TMEM94: variants seen among roughly 807,000 people sequenced by gnomAD.
TMEM94 encodes transmembrane protein 94.
A neutral mutation model predicts 158.6 loss-of-function variants in TMEM94; 81 were observed. The observed-to-expected ratio is 0.51, with a 90% CI of 0.43 to 0.61. The LOEUF is 0.61. Among genes scored for constraint, TMEM94 ranks in the 20% least tolerant of loss-of-function variants. TMEM94 has a pLI of 0.00. For synonymous variants in TMEM94, 751 were observed against 730.7 expected (o/e 1.03, Z -0.45); for missense variants, 1,435 against 1,762.0 (o/e 0.81, Z 3.32).
Position 75,489,565 on chromosome 17 carries a change from G to C in TMEM94, c.868-11G>C. 5.6e-6 allele frequency: 9 copies of C among 1,613,292 alleles called. No individual in the cohort carries two copies. Among genetic ancestry groups the C allele is most frequent in the Non-Finnish European group, 7.6e-6 (9 of 1,179,320 alleles). On this transcript the variant is annotated splice_polypyrimidine_tract_variant and intron_variant, in intron 8 of 31. Coordinates refer to ENST00000314256, the MANE Select transcript of TMEM94 (RefSeq NM_014738.6). This position sits in a 1 kb window ranked among gnomAD's most constrained non-coding sequence, Gnocchi z 5.0. ...GCGGGGTCAAGGCTGTGCCTCTGCT[G>C]TTCCCAACAGGCCGGCTTCCTCATC...
At chr17:75,476,217 G>T (rs2050683904) in intron 2 of TMEM94, among the ~76,000 whole-genome samples, 1 of 152,162 alleles carries the variant, frequency 6.6e-6, no homozygotes, top group African/African-American at 2.4e-5. Context: ...GATACTGGCA[G>T]TTGTCTTCAG....
At chr17:75,483,151 C>T (rs1480721577) in intron 2 of TMEM94, among the ~76,000 whole-genome samples, 1 of 152,128 alleles carries the variant, frequency 6.6e-6, no homozygotes, top group East Asian at 1.9e-4. Flanking sequence ...GCTGAAGGGG[C>T]TCGGCTCGTG....
Position 75,471,836 on chromosome 17 carries a change from A to C in TMEM94, c.-70A>C. On this transcript the variant is annotated 5_prime_UTR_variant, in exon 2 of 32. An upstream start codon of the reference 5' UTR is lost. Coordinates refer to ENST00000314256, the MANE Select transcript of TMEM94 (RefSeq NM_014738.6). ...GTGACAGACTCACTGGGGTTTGTAC[A>C]TGCTGGGGAGGAGCCTTCCTTTCAG... 4 of 1,529,160 alleles carry C rather than the reference A, an allele frequency of 2.6e-6. No individual in the cohort carries two copies. The Admixed American group carries it at 5.0e-5, about 19-fold the overall frequency. The allele number at this position is 1,529,160 out of a possible 1,614,324, so 94.7% of individuals were successfully genotyped here.
intron 1 of TMEM94, among the ~76,000 whole-genome samples, chr17:75,461,213 C>A (rs1414660796): frequency 6.6e-6 from 1 of 151,428 alleles, no homozygotes; most frequent in Non-Finnish European, 1.5e-5. Flanking sequence ...AATTCTCCTG[C>A]CTCAGCCTCC....
At chr17:75,471,238 C>CAAAA (rs763388343) in intron 1 of TMEM94, among the ~76,000 whole-genome samples, 1 of 69,924 alleles carries the variant, frequency 1.4e-5, no homozygotes, top group Non-Finnish European at 3.1e-5. Flanking sequence ...GAATCCGTCT[C>CAAAA]AAAAAAAAAA....
intron 7 of TMEM94, 52 bp downstream of exon 7, chr17:75,488,962 G>A (rs1310800972): frequency 2.6e-6 from 4 of 1,516,450 alleles, no homozygotes; most frequent in African/African-American, 1.4e-5. Context: ...TGTGAAGAGG[G>A]GAATGGGACT....
rs146061217 is a variant in TMEM94 at position 75,492,549 on chromosome 17, C to T, written c.1672C>T (p.Leu558=). 183 of 1,613,858 alleles carry T rather than the reference C, an allele frequency of 1.1e-4. No homozygotes were observed. Among genetic ancestry groups the T allele is most frequent in the African/African-American group, 3.6e-4 (27 of 74,918 alleles). ...TGACTACCACCTGGAGATGCTGAGC[C>T]TGTCCCAGGACCAGCAGAACCCCTC... ...VCDYHLEMLS[L]SQDQQNPSCI... Residue 558 remains leucine, a synonymous_variant, in exon 15 of 32, where the codon CTG becomes TTG. Transcript: ENST00000314256. The surrounding 1 kb of genome is among the most constrained non-coding windows in gnomAD (Gnocchi z 4.4).
Position 75,497,133 on chromosome 17 carries a change from G to T in TMEM94, c.3342G>T (p.Gln1114His). ...TCTAGTTCCTTTCTTGCCTGGTCCAGCTGCCGCCACTCCTGAGTACCACCG... is the reference window on the plus strand; with the variant it reads ...TCTAGTTCCTTTCTTGCCTGGTCCATCTGCCGCCACTCCTGAGTACCACCG... ...VVIQFLSCLV[Q>H]LPPLLSTTDI... Residue 1114 changes from glutamine (Q) to histidine (H), a missense_variant, in exon 26 of 32, where the codon CAG becomes CAT. By Grantham distance (24) the Gln-to-His change is conservative. Around this residue, in one of 3 missense-constraint regions of TMEM94, gnomAD observed 335 missense variants for 409.1 expected, o/e 0.82. Coordinates refer to ENST00000314256, the MANE Select transcript of TMEM94 (RefSeq NM_014738.6). 6.2e-7 allele frequency: 1 copy of T among 1,614,090 alleles called. No individual in the cohort carries two copies. Among genetic ancestry groups the T allele is most frequent in the Non-Finnish European group, 8.5e-7 (1 of 1,180,004 alleles).
chr17:75,485,738 C>A lies in TMEM94; in HGVS notation c.145-133C>A, dbSNP rs1169062464. 5.3e-5 allele frequency: 72 copies of A among 1,354,226 alleles called. No homozygotes were observed. Among genetic ancestry groups the A allele is most frequent in the Middle Eastern group, 4.0e-4 (2 of 5,010 alleles). 83.9% of individuals were successfully genotyped at this position (1,354,226 alleles called of 1,614,324 possible). ...GAGCCTGCTTGCTGCAGGAGCCCAA[C>A]AGGCTGGAGCCCAGCCGAGGTCAAA... On this transcript the variant is annotated intron_variant, in intron 3 of 31. Transcript: ENST00000314256. The surrounding 1 kb of genome is among the most constrained non-coding windows in gnomAD (Gnocchi z 5.5).
At chr17:75,484,646 C>T (rs1441682777) in intron 2 of TMEM94, among the ~76,000 whole-genome samples, 1 of 151,932 alleles carries the variant, frequency 6.6e-6, no homozygotes, top group Non-Finnish European at 1.5e-5. Context: ...ATCCACCTGC[C>T]TCCACCTCCC....
rs1220449310 is a variant in TMEM94, at chr17:75,498,169, C to G, written c.3490-6C>G. ...GCCCCAGGAGTGACTGGCCTTGTTC[C>G]CGCAGACCCAGCACTACTTCCTGCT... On this transcript the variant is annotated splice_polypyrimidine_tract_variant and splice_region_variant and intron_variant, in intron 27 of 31. Coordinates refer to ENST00000314256, the MANE Select transcript of TMEM94 (RefSeq NM_014738.6). This position sits in a 1 kb window ranked among gnomAD's most constrained non-coding sequence, Gnocchi z 6.7. 1 of 1,613,750 alleles carries G rather than the reference C, an allele frequency of 6.2e-7. No homozygotes were observed. The highest frequency in any genetic ancestry group is 1.7e-5 in the Admixed American group (1 of 60,020).
At position 75,490,270 on chromosome 17, in the gene TMEM94, C is replaced by T. The variant is rs2052045401; in HGVS notation, c.991C>T (p.Pro331Ser). The T allele has an allele frequency of 6.2e-7, 1 of 1,614,156 alleles. No homozygotes were observed. The highest frequency in any genetic ancestry group is 8.5e-7 in the Non-Finnish European group (1 of 1,180,028). Residue 331 changes from proline to serine, a missense_variant, in exon 10 of 32, where the codon CCA becomes TCA. Pro to Ser is a moderately conservative substitution (Grantham distance 74). Around this residue, in one of 3 missense-constraint regions of TMEM94, gnomAD observed 1,051 missense variants for 1,254.4 expected, o/e 0.84. Coordinates refer to ENST00000314256, the MANE Select transcript of TMEM94 (RefSeq NM_014738.6). ...GVLPILPLLF[P>S]VLWVLATACG... is the part of the protein sequence containing the mutation. ...CCTGCCCATCCTCCCCCTGCTCTTT[C>T]CAGTCCTCTGGGTTCTGGCAACTGC...
chr17:75,471,450 TACTGTGGTTTA>T (rs2050499603), intron 1 of TMEM94, among the ~76,000 whole-genome samples: 1 of 151,750 alleles, frequency 6.6e-6, no homozygotes, highest in African/African-American at 2.4e-5. Context: ...CCGCGTACCA[TACTGTGGTTTA>T]GATGATACTA....
At chr17:75,490,448 C>A in intron 10 of TMEM94, 98 bp downstream of exon 10, 3 of 1,395,470 alleles carry the variant, frequency 2.1e-6, no homozygotes, top group Non-Finnish European at 2.9e-6. Flanking sequence ...CCACCTTGGG[C>A]TCGGCATGTT....
chr17:75,498,066 T>TC lies in TMEM94; in HGVS notation c.3490-103dup, dbSNP rs2052905594. The TC allele has an allele frequency of 2.1e-6, 3 of 1,432,628 alleles. No individual in the cohort carries two copies. The highest frequency in any genetic ancestry group is 2.8e-5 in the African/African-American group (2 of 71,030). The allele number at this position is 1,432,628 out of a possible 1,614,324, so 88.7% of individuals were successfully genotyped here. On this transcript the variant is annotated intron_variant, in intron 27 of 31. Coordinates refer to ENST00000314256, the MANE Select transcript of TMEM94 (RefSeq NM_014738.6). This position sits in a 1 kb window ranked among gnomAD's most constrained non-coding sequence, Gnocchi z 6.7. ...CCCTTGCTGGGGCTTGAGCTCCCTA[T>TC]CCCCCCAGGCCTGACCATTTACTAA... is the stretch of plus-strand genomic sequence containing the variant.
intron 18 of TMEM94, 41 bp downstream of exon 18, chr17:75,493,957 C>A: frequency 6.4e-7 from 1 of 1,572,538 alleles, no homozygotes; most frequent in Non-Finnish European, 8.6e-7. Flanking sequence ...TGCTGGGGCT[C>A]CCCTGGGCTG....
chr17:75,493,549 C>G lies in TMEM94; in HGVS notation c.2145C>G (p.Asp715Glu). ...ATGTGGTCTTAGAGGCCTGCACAGA[C>G]TTCTGGGACGGAGCTGACATCTACC... Reference protein sequence around the residue: ...TADVVLEACTDFWDGADIYPL... With the variant: ...TADVVLEACTEFWDGADIYPL... The change falls in exon 17 of 32, where the codon GAC (aspartate) becomes GAG (glutamate). Residue 715 changes from aspartate to glutamate, a missense_variant. Asp to Glu is a conservative substitution (Grantham distance 45). Around this residue, in one of 3 missense-constraint regions of TMEM94, gnomAD observed 1,051 missense variants for 1,254.4 expected, o/e 0.84. Transcript: ENST00000314256. 2 of 1,614,076 alleles carry G rather than the reference C, an allele frequency of 1.2e-6. No homozygotes were observed.
At chr17:75,471,759 G>A (rs1403515167) in intron 1 of TMEM94, 41 bp from the exon 2 acceptor site, 2 of 758,880 alleles carry the variant, frequency 2.6e-6, no homozygotes, top group East Asian at 2.6e-5. Flanking sequence ...GTAGCTGCCT[G>A]TTCCAGCAAC....
chr17:75,490,190 G>A (rs745312349), intron 9 of TMEM94, 44 bp from the exon 10 acceptor site: 1 of 1,608,854 alleles, frequency 6.2e-7, no homozygotes, highest in African/African-American at 1.3e-5. Context: ...CTCCTCCCCA[G>A]GCCCGGAGCT....
Sources: gnomAD v4.1 joint callset for allele counts (sites outside exome capture counted in the v4.1 genomes callset) on GRCh38, gnomAD v4.1.1 for gene constraint, gnomAD v4.1.1 regional missense constraint, Gnocchi (gnomAD v3.1) non-coding constraint, MANE v1.5 for transcripts, NCBI Gene and HGNC (gene_info 2026-07-23, HGNC 2026-07-21) for gene names.